The following TECRL variants were observed in gnomAD, a reference collection of about 807,000 sequenced individuals.
The protein encoded by TECRL is trans-2,3-enoyl-CoA reductase like, also known as trans-2,3-enoyl-CoA reductase-like.
TECRL carries 63 observed loss-of-function variants against 52.8 expected under a neutral mutation model. That is an observed-to-expected ratio of 1.19 (90% confidence interval 0.97 to 1.47). TECRL has a LOEUF of 1.47. TECRL is among the 40% of genes most tolerant of loss of function. TECRL has a pLI of 0.00. For missense variants in TECRL, 482 were observed against 429.6 expected (o/e 1.12, Z -1.08); for synonymous variants, 164 against 141.9 (o/e 1.16, Z -1.10).
intron 2 of TECRL, among the ~76,000 whole-genome samples, chr4:64,352,565 T>C (rs979813520): frequency 1.3e-5 from 2 of 152,220 alleles, no homozygotes; most frequent in African/African-American, 4.8e-5. Context: ...TATTGTTACA[T>C]GTATCACCAA....
At chr4:64,393,060 C>T (rs748439253) in intron 1 of TECRL, among the ~76,000 whole-genome samples, 63 of 151,912 alleles carry the variant, frequency 4.1e-4, no homozygotes, top group Non-Finnish European at 7.4e-4. Context: ...TAACAAACCC[C>T]GAAGTCCCAG....
At chr4:64,388,456 T>C (rs569211090) in intron 1 of TECRL, among the ~76,000 whole-genome samples, 1 of 151,932 alleles carries the variant, frequency 6.6e-6, no homozygotes, top group Non-Finnish European at 1.5e-5. Flanking sequence ...TAAGGTGACG[T>C]CAGTTCTTCA....
At chr4:64,372,549 CATTAAG>C (rs1465208868) in intron 2 of TECRL, among the ~76,000 whole-genome samples, 1 of 151,508 alleles carries the variant, frequency 6.6e-6, no homozygotes, top group African/African-American at 2.4e-5. Flanking sequence ...CTTGGAAGAA[CATTAAG>C]ATTGTCACTG....
intron 1 of TECRL, among the ~76,000 whole-genome samples, chr4:64,396,773 T>G (rs772070882): frequency 6.6e-6 from 1 of 152,202 alleles, no homozygotes; most frequent in Admixed American, 6.6e-5. Context: ...TTTCCAGGGC[T>G]TTTACAGTTT....
At chr4:64,375,065 A>G in intron 2 of TECRL, 107 bp downstream of exon 2, 1 of 448,696 alleles carries the variant, frequency 2.2e-6, no homozygotes, top group Non-Finnish European at 3.9e-6. Context: ...TCCTTGTAGA[A>G]CTATGGTTTT....
intron 4 of TECRL, among the ~76,000 whole-genome samples, chr4:64,320,209 C>A (rs1218434347): frequency 1.3e-5 from 2 of 151,750 alleles, no homozygotes; most frequent in Admixed American, 6.6e-5. Context: ...TTAAATGAGG[C>A]AAGATTTTAC....
rs537130735 is a variant in TECRL at position 64,393,788 on chromosome 4, A to C, written c.234+15330T>G. On this transcript the variant is annotated intron_variant, in intron 1 of 11. Transcript: ENST00000381210. ...TAAAATTAAAAAAATTATTATCTGG[A>C]GTGTTCAAGAAGGTCAGAGTCCCAG... Among the ~76,000 whole-genome samples, 113 of 152,002 alleles carry C rather than the reference A, an allele frequency of 7.4e-4. 1 individual carries two copies. Among genetic ancestry groups the C allele is most frequent in the African/African-American group, 2.6e-3 (110 of 41,526 alleles).
intron 8 of TECRL, chr4:64,298,980 G>GA (rs1723849977): frequency 6.6e-6 from 1 of 151,056 alleles, no homozygotes; most frequent in African/African-American, 2.4e-5. Flanking sequence ...TGCACAATTG[G>GA]AAAATTACAA....
chr4:64,339,502 T>C (rs1719390043), intron 2 of TECRL, among the ~76,000 whole-genome samples: 1 of 152,032 alleles, frequency 6.6e-6, no homozygotes, highest in South Asian at 2.1e-4. Flanking sequence ...GGAATGCATA[T>C]CACTAGACTT....
At chr4:64,358,194 T>C (rs535710146) in intron 2 of TECRL, among the ~76,000 whole-genome samples, 23 of 151,990 alleles carry the variant, frequency 1.5e-4, no homozygotes, top group African/African-American at 5.3e-4. Flanking sequence ...AATGAGCTTA[T>C]TTATGACAGC....
chr4:64,332,577 C>T (rs1025455904), intron 2 of TECRL, among the ~76,000 whole-genome samples: 1 of 152,092 alleles, frequency 6.6e-6, no homozygotes, highest in Non-Finnish European at 1.5e-5. Flanking sequence ...TAGAGATTCA[C>T]CAACAATTCA....
rs992127605 is a variant in TECRL at position 64,329,798 on chromosome 4, C to T, written c.287-1242G>A. Reference sequence around the variant, plus strand: ...AATAAATAAATACCCCAAATATAGCCGTGATATTAAAAGTCAAATTAATAT... The same window carrying T: ...AATAAATAAATACCCCAAATATAGCTGTGATATTAAAAGTCAAATTAATAT... On this transcript the variant is annotated intron_variant, in intron 2 of 11. Transcript: ENST00000381210. 4.0e-5 allele frequency among the ~76,000 whole-genome samples: 6 copies of T among 151,458 alleles called. No individual in the cohort carries two copies. In the East Asian group the frequency reaches 5.8e-4, roughly 15 times the overall value.
chr4:64,336,048 T>C (rs982878602), intron 2 of TECRL, among the ~76,000 whole-genome samples: 1 of 152,036 alleles, frequency 6.6e-6, no homozygotes, highest in African/African-American at 2.4e-5. Flanking sequence ...GGGAGGATTC[T>C]CTCTTTTTCT....
At position 64,289,732 on chromosome 4, in the gene TECRL, C is replaced by G; in HGVS notation, c.810G>C (p.Met270Ile). The change falls in exon 9 of 12, where the codon ATG (methionine) becomes ATC (isoleucine). Residue 270 changes from methionine (M) to isoleucine (I), a missense_variant. Met to Ile is a conservative substitution (Grantham distance 10). Coordinates refer to ENST00000381210, the MANE Select transcript of TECRL (RefSeq NM_001010874.5). ...AACCTGTGTGATTGGGATGAGACAACATTACATTGATGAAATGATTCCCAG... is the reference window on the plus strand; with the variant it reads ...AACCTGTGTGATTGGGATGAGACAAGATTACATTGATGAAATGATTCCCAG... ...CEAGNHFINVMLSHPNHTGNN... is the reference protein window; with the variant it reads ...CEAGNHFINVILSHPNHTGNN... 3 of 1,549,822 alleles carry G rather than the reference C, an allele frequency of 1.9e-6. No individual in the cohort carries two copies. Among genetic ancestry groups the G allele is most frequent in the Non-Finnish European group, 2.6e-6 (3 of 1,157,460 alleles).
intron 2 of TECRL, among the ~76,000 whole-genome samples, chr4:64,332,666 T>C (rs1236556182): frequency 6.6e-6 from 1 of 152,142 alleles, no homozygotes; most frequent in Non-Finnish European, 1.5e-5. Flanking sequence ...TTTGGAAATC[T>C]AGAAACTACG....
At chr4:64,284,416 T>C (rs1479856547) in intron 9 of TECRL, among the ~76,000 whole-genome samples, 2 of 152,034 alleles carry the variant, frequency 1.3e-5, no homozygotes, top group African/African-American at 4.8e-5. Flanking sequence ...TTTCTTCTCA[T>C]GTTCCATGGG....
At chr4:64,319,795 A>G (rs1391942858) in intron 4 of TECRL, among the ~76,000 whole-genome samples, 1 of 151,910 alleles carries the variant, frequency 6.6e-6, no homozygotes, top group African/African-American at 2.4e-5. Context: ...TGATACAAAC[A>G]AAAATCAGGA....
chr4:64,303,947 G>C (rs995301367), intron 7 of TECRL, among the ~76,000 whole-genome samples: 7 of 151,898 alleles, frequency 4.6e-5, no homozygotes, highest in East Asian at 3.9e-4. Flanking sequence ...CTTGAGCATA[G>C]TGAAATTATC....
chr4:64,318,086 CTT>C (rs996671688), intron 4 of TECRL, among the ~76,000 whole-genome samples: 3 of 152,060 alleles, frequency 2.0e-5, no homozygotes, highest in African/African-American at 4.8e-5. Context: ...AAGATGGTAA[CTT>C]ATATTTGAAA....
Sources: gnomAD v4.1 joint callset for allele counts (sites outside exome capture counted in the v4.1 genomes callset) on GRCh38, gnomAD v4.1.1 for gene constraint, MANE v1.5 for transcripts, NCBI Gene and HGNC (gene_info 2026-07-23, HGNC 2026-07-21) for gene names.